Variants in ATF7 observed in about 807,000 individuals in gnomAD.
The protein encoded by ATF7 is activating transcription factor 7.
ATF7 carries 10 observed loss-of-function variants against 50.4 expected under a neutral mutation model. That is an observed-to-expected ratio of 0.20 (90% CI 0.12 to 0.34). The LOEUF (loss-of-function observed/expected upper bound fraction) is 0.34, where lower values mean the gene tolerates loss of function less well. Among genes scored for constraint, ATF7 ranks in the 10% least tolerant of loss-of-function variants. The pLI is 1.00. For synonymous variants in ATF7, 201 were observed against 226.4 expected (o/e 0.89, Z 1.01); for missense variants, 465 against 613.9 (o/e 0.76, Z 2.56).
At chr12:53,614,875 G>A (rs1944052249) in intron 1 of ATF7, among the ~76,000 whole-genome samples, 1 of 152,184 alleles carries the variant, frequency 6.6e-6, no homozygotes, top group African/African-American at 2.4e-5. Context: ...GAGGTCCGGA[G>A]TTCAAGACCA....
At chr12:53,529,734 C>CACACACACACACACACACATAT (rs1298379846) in intron 9 of ATF7, among the ~76,000 whole-genome samples, 339 of 143,144 alleles carry the variant, frequency 2.4e-3, no homozygotes, top group African/African-American at 6.1e-3. Context: ...CACACACACA[C>CACACACACACACACACACATAT]ATATATATAT....
intron 1 of ATF7, among the ~76,000 whole-genome samples, chr12:53,608,341 A>G (rs1047771521): frequency 3.3e-5 from 5 of 152,304 alleles, no homozygotes; most frequent in Non-Finnish European, 4.4e-5. Flanking sequence ...CTAACTACAA[A>G]GAAACAGAAC....
intron 4 of ATF7, among the ~76,000 whole-genome samples, chr12:53,542,159 T>C (rs1939604158): frequency 1.4e-5 from 2 of 142,354 alleles, no homozygotes; most frequent in Admixed American, 7.3e-5. Flanking sequence ...GGCGTGGTGG[T>C]TTACGCCTGT....
intron 9 of ATF7, among the ~76,000 whole-genome samples, chr12:53,525,944 C>T (rs1353852517): frequency 6.6e-6 from 1 of 152,232 alleles, no homozygotes; most frequent in African/African-American, 2.4e-5. Flanking sequence ...GGCATGGTGG[C>T]TCATGCCTGT....
chr12:53,554,774 A>G, intron 2 of ATF7, among the ~76,000 whole-genome samples: 1 of 146,310 alleles, frequency 6.8e-6, no homozygotes, highest in East Asian at 2.3e-4. Context: ...GAGGCACGAG[A>G]ATTGCTTGAA....
rs148032266 is a variant in ATF7, at chr12:53,602,495, C to G, written c.-21-1474G>C. 1.5e-3 allele frequency among the ~76,000 whole-genome samples: 232 copies of G among 152,160 alleles called. 1 individual carries two copies. Among genetic ancestry groups the G allele is most frequent in the African/African-American group, 5.3e-3 (219 of 41,512 alleles). On this transcript the variant is annotated intron_variant, in intron 1 of 11. Coordinates refer to ENST00000420353, the MANE Select transcript of ATF7 (RefSeq NM_006856.3). ...TCTAATCAGTAATTCCACAACTAATCGGTGTTTAAAATTGTGGGGTGCCCC... is the reference window on the plus strand; with the variant it reads ...TCTAATCAGTAATTCCACAACTAATGGGTGTTTAAAATTGTGGGGTGCCCC...
chr12:53,603,805 A>G (rs2137837188), intron 1 of ATF7, among the ~76,000 whole-genome samples: 1 of 152,236 alleles, frequency 6.6e-6, no homozygotes, highest in Middle Eastern at 3.4e-3. Context: ...GCTACATATA[A>G]AGAATGTCAT....
Position 53,543,405 on chromosome 12 carries a change from C to T in ATF7, c.189G>A (p.Glu63=), listed in dbSNP as rs1403188900. ...TPTRFLKNCE[E]VGLFNELASS... ...TAGCTAGTTCATTGAAGAGTCCCAC[C>T]TCCTCACAGTTCTTCAGGAATCTAG... is the stretch of plus-strand genomic sequence containing the variant. The change falls in exon 4 of 12, where the codon GAG becomes GAA. Residue 63 remains glutamate, a synonymous_variant. Coordinates refer to ENST00000420353, the MANE Select transcript of ATF7 (RefSeq NM_006856.3). 1 of 1,602,704 alleles carries T rather than the reference C, an allele frequency of 6.2e-7. No homozygotes were observed. The highest frequency in any genetic ancestry group is 2.2e-5 in the East Asian group (1 of 44,730).
downstream of ATF7, among the ~76,000 whole-genome samples, chr12:53,510,515 C>G (rs1180894144): frequency 6.7e-6 from 1 of 149,034 alleles, no homozygotes; most frequent in African/African-American, 2.6e-5. Context: ...AGACAGAACT[C>G]AGTTGTAATC....
At position 53,548,805 on chromosome 12, in the gene ATF7, A is replaced by G. The variant is rs371700783; in HGVS notation, c.145+3736T>C. 1.4e-4 allele frequency among the ~76,000 whole-genome samples: 22 copies of G among 152,310 alleles called. 1 individual carries two copies. In the East Asian group the frequency reaches 4.2e-3, roughly 29 times the overall value. ...CAAGACCAACTTGGGGAACAAAGCTAGAACCCATCTTTACAAAAAATAAAA... is the reference window on the plus strand; with the variant it reads ...CAAGACCAACTTGGGGAACAAAGCTGGAACCCATCTTTACAAAAAATAAAA... On this transcript the variant is annotated intron_variant, in intron 3 of 11. Transcript: ENST00000420353.
At chr12:53,624,703 AG>A (rs1944537170) in intron 1 of ATF7, among the ~76,000 whole-genome samples, 2 of 152,240 alleles carry the variant, frequency 1.3e-5, no homozygotes, top group South Asian at 4.1e-4. Flanking sequence ...CCTTGGCCTA[AG>A]ATATTATGAC....
At chr12:53,569,714 G>A (rs546490997) in intron 2 of ATF7, among the ~76,000 whole-genome samples, 12 of 150,070 alleles carry the variant, frequency 8.0e-5, no homozygotes, top group African/African-American at 2.7e-4. Flanking sequence ...TCGCTCTGTC[G>A]CCCAGGCTGG....
chr12:53,518,353 A>G (rs1165427397), intron 11 of ATF7, among the ~76,000 whole-genome samples: 1 of 152,276 alleles, frequency 6.6e-6, no homozygotes, highest in Non-Finnish European at 1.5e-5. Context: ...TGATTATAAA[A>G]CATTATAAGT....
At chr12:53,566,806 T>G (rs1437494116) in intron 2 of ATF7, among the ~76,000 whole-genome samples, 1 of 152,216 alleles carries the variant, frequency 6.6e-6, no homozygotes, top group Non-Finnish European at 1.5e-5. Flanking sequence ...CAGGCTGCAG[T>G]GCAATGGCAT....
chr12:53,541,257 G>A lies in ATF7; in HGVS notation c.264+2073C>T, dbSNP rs138710228. Among the ~76,000 whole-genome samples the A allele has an allele frequency of 7.9e-3, 1,203 of 152,092 alleles. 14 individuals are homozygous for A. Among genetic ancestry groups the A allele is most frequent in the African/African-American group, 0.027 (1,114 of 41,490 alleles). ...CTTAAATATAGGGAAAAATAGAAGC[G>A]GTTCCAGCTATTCTATATTCTGATA... On this transcript the variant is annotated intron_variant, in intron 4 of 11. Coordinates refer to ENST00000420353, the MANE Select transcript of ATF7 (RefSeq NM_006856.3).
intron 2 of ATF7, among the ~76,000 whole-genome samples, chr12:53,570,409 CTAAGAGG>C (rs1165696707): frequency 6.6e-6 from 1 of 152,120 alleles, no homozygotes; most frequent in Non-Finnish European, 1.5e-5. Flanking sequence ...CAGGCAGGGG[CTAAGAGG>C]TTGGAACTTC....
intron 2 of ATF7, among the ~76,000 whole-genome samples, chr12:53,579,755 C>T (rs1283922858): frequency 6.6e-6 from 1 of 152,136 alleles, no homozygotes; most frequent in African/African-American, 2.4e-5. Flanking sequence ...TGAGGAAACA[C>T]TCAGAGGCAC....
chr12:53,621,136 G>A (rs1415203040), intron 1 of ATF7, among the ~76,000 whole-genome samples: 1 of 152,076 alleles, frequency 6.6e-6, no homozygotes, highest in Non-Finnish European at 1.5e-5. Flanking sequence ...AGATGTCAGA[G>A]GCAGAATATA....
intron 2 of ATF7, among the ~76,000 whole-genome samples, chr12:53,559,215 T>A (rs1000224629): frequency 5.3e-5 from 8 of 149,568 alleles, no homozygotes; most frequent in Admixed American, 3.4e-4. Flanking sequence ...AAGATTTTTT[T>A]ACTTTTTTCT....
Sources: allele counts gnomAD v4.1 joint callset (sites outside exome capture counted in the v4.1 genomes callset), GRCh38; gene constraint gnomAD v4.1.1; transcripts MANE v1.5; gene names NCBI Gene and HGNC (gene_info 2026-07-23, HGNC 2026-07-21).